CCDC171: variants seen among roughly 807,000 people sequenced by gnomAD.
CCDC171 encodes the protein coiled-coil domain-containing protein 171.
A neutral mutation model predicts 168.2 loss-of-function variants in CCDC171; 177 were observed. The ratio of observed to expected loss-of-function variants is 1.05; its 90% CI spans 0.93 to 1.19. The LOEUF (loss-of-function observed/expected upper bound fraction) is 1.19. Among genes scored for constraint, CCDC171 ranks in the 50% most tolerant of loss-of-function variants. The pLI, the probability that CCDC171 is intolerant of heterozygous loss-of-function variation, is 0.00. For synonymous variants in CCDC171, 687 were observed against 540.8 expected (o/e 1.27, Z -3.75); for missense variants, 1,991 against 1,539.0 (o/e 1.29, Z -4.91).
intron 23 of CCDC171, among the ~76,000 whole-genome samples, chr9:15,863,130 A>G (rs781678610): frequency 1.5e-4 from 23 of 151,988 alleles, no homozygotes; most frequent in Non-Finnish European, 2.5e-4. Context: ...ACAAAAGCCA[A>G]TCCTTTAGGT....
At chr9:16,105,957 A>G in the CCDC171 span, among the ~76,000 whole-genome samples, 1 of 152,364 alleles carries the variant, frequency 6.6e-6, no homozygotes, top group East Asian at 1.9e-4. Context: ...CAGGCAGGGC[A>G]TCCATTTGCA....
intron 10 of CCDC171, among the ~76,000 whole-genome samples, chr9:15,691,253 G>C (rs1271893946): frequency 6.6e-6 from 1 of 151,866 alleles, no homozygotes; most frequent in African/African-American, 2.4e-5. Context: ...CTGACCAATG[G>C]AGTACTATAC....
Position 15,920,230 on chromosome 9 carries a change from T to C in CCDC171, c.3601-40T>C, listed in dbSNP as rs1168655039. Reference sequence around the variant, plus strand: ...ATGGAAATTCTCCTTTGGGGACATATTTATTTGAATTATATGTGACATTAT... The same window carrying C: ...ATGGAAATTCTCCTTTGGGGACATACTTATTTGAATTATATGTGACATTAT... On this transcript the variant is annotated intron_variant, in intron 24 of 25. Transcript: ENST00000380701. 3 of 1,313,526 alleles carry C rather than the reference T, an allele frequency of 2.3e-6. No individual in the cohort carries two copies. The Admixed American group carries it at 7.2e-5, about 32-fold the overall frequency. 81.4% of individuals were successfully genotyped at this position (1,313,526 alleles called of 1,614,324 possible). A position where few individuals can be genotyped will look rare whatever the true frequency, so the allele number is the denominator to read the frequency against.
chr9:15,865,360 T>C (rs145699567), intron 23 of CCDC171, among the ~76,000 whole-genome samples: 45 of 142,412 alleles, frequency 3.2e-4, no homozygotes, highest in Admixed American at 8.1e-4. Flanking sequence ...CACACACACA[T>C]ATATATATGT....
chr9:16,067,032 G>T, the CCDC171 span, among the ~76,000 whole-genome samples: 1 of 152,032 alleles, frequency 6.6e-6, no homozygotes, highest in African/African-American at 2.4e-5. Context: ...CTGAGGAATT[G>T]CCACACTGAC....
rs1385026351 is a variant in CCDC171 at position 15,931,460 on chromosome 9, T to TC, written c.3753+11038_3753+11039insC. ...TCTTTCTTTCTTTCTTTCTTTCTTTTTTTTTTTTTTTTTTTTTTGCTGTTG... is the reference window on the plus strand; with the variant it reads ...TCTTTCTTTCTTTCTTTCTTTCTTTTCTTTTTTTTTTTTTTTTTTGCTGTTG... On this transcript the variant is annotated intron_variant, in intron 25 of 25. Coordinates refer to ENST00000380701, the MANE Select transcript of CCDC171 (RefSeq NM_173550.4). Among the ~76,000 whole-genome samples, 4 of 138,374 alleles carry TC rather than the reference T, an allele frequency of 2.9e-5. No homozygotes were observed. In the South Asian group the frequency reaches 8.9e-4, roughly 31 times the overall value. The allele number at this position is 138,374 out of a possible 152,430, so 90.8% of individuals were successfully genotyped here.
At chr9:15,699,631 C>T (rs1003436575) in intron 11 of CCDC171, among the ~76,000 whole-genome samples, 3 of 151,990 alleles carry the variant, frequency 2.0e-5, no homozygotes, top group South Asian at 2.1e-4. Context: ...CTCCAAGGCC[C>T]CACCAGAGTA....
At chr9:15,760,808 C>G (rs1032747450) in intron 18 of CCDC171, among the ~76,000 whole-genome samples, 1 of 152,112 alleles carries the variant, frequency 6.6e-6, no homozygotes, top group Non-Finnish European at 1.5e-5. Context: ...GGCAAAGACC[C>G]CAGTTTTCAT....
intron 1 of CCDC171, among the ~76,000 whole-genome samples, chr9:15,557,224 G>T (rs1356056305): frequency 2.6e-5 from 4 of 152,116 alleles, no homozygotes; most frequent in African/African-American, 7.2e-5. Flanking sequence ...GGCAATGTGG[G>T]CTCTTTTTTG....
the CCDC171 span, among the ~76,000 whole-genome samples, chr9:16,097,035 G>T: frequency 6.6e-6 from 1 of 152,196 alleles, no homozygotes; most frequent in Non-Finnish European, 1.5e-5. Context: ...TCATGAGGGT[G>T]ATGAAGGGTA....
intron 6 of CCDC171, among the ~76,000 whole-genome samples, chr9:16,029,063 G>T (rs1343484628): frequency 1.3e-5 from 2 of 152,028 alleles, no homozygotes; most frequent in African/African-American, 2.4e-5. Flanking sequence ...TGTATCTAGT[G>T]TCCAAATGGA....
At chr9:16,013,294 C>G (rs1434026787) in intron 3 of CCDC171, among the ~76,000 whole-genome samples, 1 of 152,120 alleles carries the variant, frequency 6.6e-6, no homozygotes, top group African/African-American at 2.4e-5. Flanking sequence ...TTATTTATTC[C>G]CTGGAAAAAA....
intron 25 of CCDC171, among the ~76,000 whole-genome samples, chr9:15,930,542 A>G (rs1826388439): frequency 6.6e-6 from 1 of 151,634 alleles, no homozygotes; most frequent in South Asian, 2.1e-4. Flanking sequence ...TAGACATAAA[A>G]TTACCATCAT....
chr9:15,628,883 T>A (rs987810620), intron 7 of CCDC171, among the ~76,000 whole-genome samples: 2 of 152,198 alleles, frequency 1.3e-5, no homozygotes, highest in African/African-American at 4.8e-5. Flanking sequence ...GAAAATCCGC[T>A]GTTCTGCAGC....
At chr9:15,847,046 A>G (rs575880994) in intron 22 of CCDC171, among the ~76,000 whole-genome samples, 199 bp downstream of exon 22, 52 of 152,270 alleles carry the variant, frequency 3.4e-4, no homozygotes, top group African/African-American at 1.2e-3. Context: ...GAAACCTCAG[A>G]AAAGTATAAG....
At chr9:15,579,084 C>A in intron 4 of CCDC171, 61 bp downstream of exon 4, 1 of 1,351,912 alleles carries the variant, frequency 7.4e-7, no homozygotes, top group Non-Finnish European at 1.0e-6. Flanking sequence ...TATCACTCCT[C>A]GCTGTTGTGT....
intron 14 of CCDC171, 53 bp from the exon 15 acceptor site, chr9:15,727,816 C>T: frequency 1.4e-6 from 2 of 1,412,000 alleles, no homozygotes; most frequent in Non-Finnish European, 1.9e-6. Context: ...ATGTATTTTA[C>T]TTCTTACAAT....
At chr9:15,732,796 G>A (rs753568194) in intron 16 of CCDC171, among the ~76,000 whole-genome samples, 2 of 151,980 alleles carry the variant, frequency 1.3e-5, no homozygotes, top group Non-Finnish European at 2.9e-5. Context: ...TTTCTCTTGG[G>A]TAAATACCTA....
chr9:15,631,024 G>A (rs997877137), intron 7 of CCDC171, among the ~76,000 whole-genome samples: 1 of 152,032 alleles, frequency 6.6e-6, no homozygotes, highest in Non-Finnish European at 1.5e-5. Flanking sequence ...TCAAAGCAGT[G>A]TGTAGAGGGA....
Sources: allele counts gnomAD v4.1 joint callset (sites outside exome capture counted in the v4.1 genomes callset), GRCh38; gene constraint gnomAD v4.1.1; transcripts MANE v1.5; gene names NCBI Gene and HGNC (gene_info 2026-07-23, HGNC 2026-07-21).